The following SLC26A11 variants were observed in gnomAD, a reference collection of about 807,000 sequenced individuals.
SLC26A11 encodes solute carrier family 26 member 11, also known as sodium-independent sulfate anion transporter.
Under a neutral mutation model 62.2 loss-of-function variants are expected in SLC26A11, and 58 were observed. The ratio of observed to expected loss-of-function variants is 0.93; its 90% CI spans 0.76 to 1.16. The LOEUF (loss-of-function observed/expected upper bound fraction) is 1.16. SLC26A11 is among the 50% of genes most tolerant of loss of function. The probability of loss-of-function intolerance (pLI) is 0.00; values close to 1 mark genes in which losing one functional copy is unlikely to be tolerated. For missense variants in SLC26A11, 790 were observed against 794.3 expected (o/e 0.99, Z 0.06); for synonymous variants, 411 against 368.9 (o/e 1.11, Z -1.31).
At chr17:80,234,128 C>T (rs2042631100) in intron 7 of SLC26A11, among the ~76,000 whole-genome samples, 1 of 152,142 alleles carries the variant, frequency 6.6e-6, no homozygotes, top group Admixed American at 6.5e-5. Context: ...TCTCAGCCTC[C>T]CAGGTAGATG....
chr17:80,224,458 AGTGTGAGT>A (rs796257940), intron 5 of SLC26A11, among the ~76,000 whole-genome samples: 17 of 144,640 alleles, frequency 1.2e-4, no homozygotes, highest in South Asian at 2.2e-4. Context: ...TGAGTGTGAG[AGTGTGAGT>A]GTGTGAGTGT....
intron 14 of SLC26A11, 126 bp from the exon 15 acceptor site, chr17:80,248,449 C>T (rs890593792): frequency 1.6e-6 from 2 of 1,262,708 alleles, no homozygotes; most frequent in Admixed American, 2.3e-5. Context: ...GGGGTCTCCC[C>T]TTAGCACCCC....
intron 7 of SLC26A11, among the ~76,000 whole-genome samples, chr17:80,232,826 G>C (rs1244686452): frequency 2.0e-5 from 3 of 151,898 alleles, no homozygotes; most frequent in African/African-American, 7.3e-5. Flanking sequence ...ATCCTTTATT[G>C]GCTGATTAGC....
chr17:80,225,226 T>G (rs73429467), intron 5 of SLC26A11, among the ~76,000 whole-genome samples: 2,198 of 151,808 alleles, frequency 0.014, 46 homozygotes, highest in African/African-American at 0.05. Context: ...AAACACAGGA[T>G]AGAGTGCCTT....
rs377168575 is a variant in SLC26A11, at chr17:80,249,228, G to C, written c.1597G>C (p.Gly533Arg). The change falls in exon 16 of 18, where the codon GGC becomes CGC. Residue 533 changes from glycine to arginine, a missense_variant. Physicochemically the swap from Gly to Arg is moderately radical, Grantham distance 125 (BLOSUM62 -2). Coordinates refer to ENST00000361193, the MANE Select transcript of SLC26A11 (RefSeq NM_001166347.2). ...SIDYTVVLGL[G>R]ELLQDFQKQG... ...CGACTACACTGTGGTGCTGGGACTC[G>C]GCGAGCTCCTCCAGGACTTCCAGAA... The C allele has an allele frequency of 1.4e-4, 224 of 1,611,518 alleles. 2 individuals are homozygous for C. In the South Asian group the frequency reaches 2.2e-3, roughly 16 times the overall value.
intron 7 of SLC26A11, among the ~76,000 whole-genome samples, chr17:80,230,936 G>C (rs1237265255): frequency 1.3e-5 from 2 of 152,082 alleles, no homozygotes; most frequent in African/African-American, 4.8e-5. Context: ...CCACACGACT[G>C]GGAAGAGGCA....
Position 80,252,947 on chromosome 17 carries a change from A to G in SLC26A11, c.*231A>G. ...AATGACCTCGCTGCTGTTCCCTGGC[A>G]TGACCCTCTTTGGAAGAGTGGTTTG... is the stretch of plus-strand genomic sequence containing the variant. On this transcript the variant is annotated 3_prime_UTR_variant, in exon 18 of 18. Coordinates refer to ENST00000361193, the MANE Select transcript of SLC26A11 (RefSeq NM_001166347.2). This position sits in a 1 kb window ranked among gnomAD's most constrained non-coding sequence, Gnocchi z 5.2. 1 of 461,880 alleles carries G rather than the reference A, an allele frequency of 2.2e-6. No individual in the cohort carries two copies. Among genetic ancestry groups the G allele is most frequent in the East Asian group, 4.1e-5 (1 of 24,148 alleles). 28.6% of individuals were successfully genotyped at this position (461,880 alleles called of 1,614,324 possible). A position where few individuals can be genotyped will look rare whatever the true frequency, so the allele number is the denominator to read the frequency against.
intron 16 of SLC26A11, among the ~76,000 whole-genome samples, chr17:80,250,411 G>A (rs998623890): frequency 7.2e-5 from 11 of 152,144 alleles, no homozygotes; most frequent in South Asian, 6.2e-4. Context: ...ATCTGCCCAC[G>A]GTCACACAGG....
rs1158054056 is a variant in SLC26A11 at position 80,241,239 on chromosome 17, A to G, written c.986-532A>G. On this transcript the variant is annotated intron_variant, in intron 9 of 17. Coordinates refer to ENST00000361193, the MANE Select transcript of SLC26A11 (RefSeq NM_001166347.2). ...ATCACCCATAATCCCTTTTACTACC[A>G]CAATTAACTACTGCTTACATGTTTT... is the stretch of plus-strand genomic sequence containing the variant. Among the ~76,000 whole-genome samples the G allele has an allele frequency of 2.0e-5, 3 of 152,198 alleles. No homozygotes were observed. In the East Asian group the frequency reaches 5.8e-4, roughly 29 times the overall value.
chr17:80,249,341 G>A, intron 16 of SLC26A11, 54 bp downstream of exon 16: 3 of 1,594,578 alleles, frequency 1.9e-6, no homozygotes, highest in South Asian at 1.1e-5. Flanking sequence ...AGGCCTTCCT[G>A]TGCCTGCCTC....
rs746273040 is a variant in SLC26A11, at chr17:80,223,233, T to C, written c.428-19T>C. 1 of 1,611,540 alleles carries C rather than the reference T, an allele frequency of 6.2e-7. No individual in the cohort carries two copies. Among genetic ancestry groups the C allele is most frequent in the South Asian group, 1.1e-5 (1 of 91,016 alleles). On this transcript the variant is annotated intron_variant, in intron 4 of 17. Transcript: ENST00000361193. The surrounding 1 kb of genome is among the most constrained non-coding windows in gnomAD (Gnocchi z 4.6). ...GGGTGGAGCCGGGACCAGCTCGATG[T>C]CCCCTCTTGGCTGGCCAGGGTTCCT... is the stretch of plus-strand genomic sequence containing the variant.
intron 16 of SLC26A11, 112 bp from the exon 17 acceptor site, chr17:80,251,217 A>C: frequency 6.2e-7 from 1 of 1,600,624 alleles, no homozygotes; most frequent in East Asian, 2.2e-5. Flanking sequence ...ACTGGTATGG[A>C]GGTGAAGCCA....
At chr17:80,249,308 C>T in intron 16 of SLC26A11, 21 bp downstream of exon 16, 1 of 1,606,396 alleles carries the variant, frequency 6.2e-7, no homozygotes, top group Non-Finnish European at 8.5e-7. Flanking sequence ...ACTGGGCTGC[C>T]TTAGGGGTTA....
chr17:80,231,622 G>A (rs549358850), intron 7 of SLC26A11, among the ~76,000 whole-genome samples: 1 of 152,232 alleles, frequency 6.6e-6, no homozygotes, highest in East Asian at 1.9e-4. Context: ...TTTTTATTCG[G>A]TTCTAAATAC....
intron 13 of SLC26A11, among the ~76,000 whole-genome samples, chr17:80,247,090 T>TA (rs1220116577): frequency 1.3e-5 from 2 of 151,764 alleles, no homozygotes; most frequent in Non-Finnish European, 2.9e-5. Context: ...TATTTTTTTT[T>TA]ATTGATCATT....
At chr17:80,224,314 A>AGAGT (rs1555626118) in intron 5 of SLC26A11, among the ~76,000 whole-genome samples, 21 of 146,028 alleles carry the variant, frequency 1.4e-4, no homozygotes, top group African/African-American at 5.1e-4. Context: ...TGTGTGAGAG[A>AGAGT]GTGTGAGTGT....
At chr17:80,251,532 G>A (rs977293564) in intron 17 of SLC26A11, 131 bp downstream of exon 17, 9 of 1,195,718 alleles carry the variant, frequency 7.5e-6, no homozygotes, top group Non-Finnish European at 1.0e-5. Context: ...GGAGGCCGAG[G>A]CAGGTGGATC....
intron 16 of SLC26A11, among the ~76,000 whole-genome samples, chr17:80,249,735 G>A (rs8072916): frequency 0.05 from 7,449 of 147,992 alleles, 337 homozygotes; most frequent in African/African-American, 0.12. Context: ...GTGAAACCCC[G>A]TCTCTACTAA....
In SLC26A11 at chr17:80,227,868, T is replaced by C. The variant is rs758367238; in HGVS notation, c.644T>C (p.Leu215Pro). The C allele has an allele frequency of 6.2e-7, 1 of 1,602,936 alleles. No homozygotes were observed. Among genetic ancestry groups the C allele is most frequent in the Non-Finnish European group, 8.5e-7 (1 of 1,179,838 alleles). ...GTCTGCATGCTGCTGCTGCTGGTGC[T>C]GAAGCTGATGCGGGACCACGTGCCT... ...GLVCMLLLLV[L>P]KLMRDHVPPV... The change falls in exon 7 of 18, where the codon CTG (leucine) becomes CCG (proline). Residue 215 changes from leucine to proline, a missense_variant. Coordinates refer to ENST00000361193, the MANE Select transcript of SLC26A11 (RefSeq NM_001166347.2).
Sources: gnomAD v4.1 joint callset for allele counts (sites outside exome capture counted in the v4.1 genomes callset) on GRCh38, gnomAD v4.1.1 for gene constraint, Gnocchi (gnomAD v3.1) non-coding constraint, MANE v1.5 for transcripts, NCBI Gene and HGNC (gene_info 2026-07-23, HGNC 2026-07-21) for gene names.